ABI3BP: variants seen among roughly 807,000 people sequenced by gnomAD.
ABI3BP encodes target of Nesh-SH3.
Under a neutral mutation model 268.6 loss-of-function variants are expected in ABI3BP, and 216 were observed. The ratio of observed to expected loss-of-function variants is 0.80; its 90% confidence interval spans 0.72 to 0.90. The LOEUF is 0.90. Among genes scored for constraint, ABI3BP ranks in the 40% least tolerant of loss-of-function variants. The pLI is 0.00. For synonymous variants in ABI3BP, 730 were observed against 730.0 expected, an observed-to-expected ratio of 1.00 and a Z score of 0.00; for missense variants, 2,090 against 2,182.4, an observed-to-expected ratio of 0.96 and a Z score of 0.84.
rs180690304 is a variant in ABI3BP, at chr3:100,926,363, A to G, written c.198T>C (p.Asn66=). 121 of 1,613,518 alleles carry G rather than the reference A, an allele frequency of 7.5e-5. No individual in the cohort carries two copies. The African/African-American group carries it at 1.3e-3, about 18-fold the overall frequency. ...GAGGGAAGTACTGGTTTGGTGATAC[A>G]TTGCTGCCATATCCCAGGAGAAGAC... ...LEGLLLGYGS[N]VSPNQYFPLP... Residue 66 remains asparagine, a synonymous_variant, in exon 2 of 68, where the codon AAT becomes AAC. Coordinates refer to ENST00000471714, the MANE Select transcript of ABI3BP (RefSeq NM_001375547.2).
chr3:100,821,597 CTTTTTTTTTT>C (rs369631203), intron 38 of ABI3BP, among the ~76,000 whole-genome samples: 1 of 119,136 alleles, frequency 8.4e-6, no homozygotes, highest in East Asian at 2.5e-4. Flanking sequence ...TGAAGTAAGA[CTTTTTTTTTT>C]TTTTTTTTTT....
At chr3:100,970,278 C>T (rs1241674376) in intron 1 of ABI3BP, among the ~76,000 whole-genome samples, 1 of 152,212 alleles carries the variant, frequency 6.6e-6, no homozygotes, top group Non-Finnish European at 1.5e-5. Context: ...TAACAATGCT[C>T]AGTGGTAAAA....
rs760286989 is a variant in ABI3BP at position 100,792,755 on chromosome 3, T to C, written c.3960A>G (p.Gln1320=). Residue 1320 remains glutamine (Q), a synonymous_variant, in exon 55 of 68, where the codon CAA becomes CAG. Coordinates refer to ENST00000471714, the MANE Select transcript of ABI3BP (RefSeq NM_001375547.2). ...ELQTTLEETD[Q]STQEPFTTKI... is the part of the protein sequence containing the mutation. ...TAGTTGTGAAAGGTTCTTGGGTGGA[T>C]TGGTCTGTTTCTTCTAGAGAAAACA... is the stretch of plus-strand genomic sequence containing the variant. The C allele has an allele frequency of 1.2e-6, 2 of 1,611,362 alleles. No homozygotes were observed. Among genetic ancestry groups the C allele is most frequent in the Non-Finnish European group, 8.5e-7 (1 of 1,178,154 alleles).
In ABI3BP at chr3:100,749,399, G is replaced by A. The variant is rs530817674; in HGVS notation, c.*1096C>T. The A allele has an allele frequency of 9.2e-5, 34 of 369,524 alleles. No individual in the cohort carries two copies. Among genetic ancestry groups the A allele is most frequent in the East Asian group, 1.6e-4 (4 of 25,666 alleles). The allele number at this position is 369,524 out of a possible 1,614,324, so 22.9% of individuals were successfully genotyped here. A position where few individuals can be genotyped will look rare whatever the true frequency, so the allele number is the denominator to read the frequency against. ...TTGTTTGAAAAATACAAAATGTAGC[G>A]TTGATAAGATTGAAGCATGTTGAAA... is the stretch of plus-strand genomic sequence containing the variant. On this transcript the variant is annotated 3_prime_UTR_variant, in exon 68 of 68. Transcript: ENST00000471714.
Position 100,750,315 on chromosome 3 carries a change from T to C in ABI3BP, c.*180A>G. The C allele has an allele frequency of 2.0e-6, 1 of 490,230 alleles. No individual in the cohort carries two copies. Among genetic ancestry groups the C allele is most frequent in the Non-Finnish European group, 3.5e-6 (1 of 284,352 alleles). 30.4% of individuals were successfully genotyped at this position (490,230 alleles called of 1,614,324 possible). On this transcript the variant is annotated 3_prime_UTR_variant, in exon 68 of 68. Coordinates refer to ENST00000471714, the MANE Select transcript of ABI3BP (RefSeq NM_001375547.2). ...CAGTATCTTGCTTTCTTAAAATGAC[T>C]TTGTAAAACCTGATAAATACTCTCA...
At chr3:100,862,167 G>T in intron 14 of ABI3BP, 144 bp downstream of exon 14, 1 of 626,296 alleles carries the variant, frequency 1.6e-6, no homozygotes. Context: ...GGAAAATGAG[G>T]TTCATCTCAG....
At position 100,817,439 on chromosome 3, in the gene ABI3BP, A is replaced by T. The variant is rs1250311261; in HGVS notation, c.3145T>A (p.Leu1049Ile). The T allele has an allele frequency of 6.6e-7, 1 of 1,511,844 alleles. No individual in the cohort carries two copies. 93.7% of individuals were successfully genotyped at this position (1,511,844 alleles called of 1,614,324 possible). The change falls in exon 42 of 68, where the codon TTA (leucine) becomes ATA (isoleucine). Residue 1049 changes from leucine to isoleucine, a missense_variant. Coordinates refer to ENST00000471714, the MANE Select transcript of ABI3BP (RefSeq NM_001375547.2). ...TFRTKFPETTLAPKTQRTRRP... is the reference protein window; with the variant it reads ...TFRTKFPETTIAPKTQRTRRP... ...CAGGAACACAGAATATCATTACCTA[A>T]CGTTGTTTCTGGAAACTTGGTTCTA...
At chr3:100,833,517 A>T (rs2098526301) in intron 29 of ABI3BP, among the ~76,000 whole-genome samples, 2 of 152,194 alleles carry the variant, frequency 1.3e-5, no homozygotes, top group South Asian at 4.1e-4. Flanking sequence ...ACAAAGCCCT[A>T]GTTCATGATA....
chr3:100,865,124 A>G (rs527856013), intron 10 of ABI3BP, among the ~76,000 whole-genome samples: 2 of 152,312 alleles, frequency 1.3e-5, no homozygotes, highest in Admixed American at 1.3e-4. Context: ...TATCCAAAAG[A>G]GCACTCTGAC....
At chr3:100,894,985 A>G (rs973507052) in intron 4 of ABI3BP, among the ~76,000 whole-genome samples, 9 of 149,826 alleles carry the variant, frequency 6.0e-5, no homozygotes, top group Non-Finnish European at 1.2e-4. Context: ...AAAAAACACA[A>G]GATGAGAATG....
At chr3:100,955,003 G>A (rs1173415510) in intron 1 of ABI3BP, among the ~76,000 whole-genome samples, 358 of 5,440 alleles carry the variant, frequency 0.066, 8 homozygotes, top group African/African-American at 0.18. Context: ...TTTTTTTTAC[G>A]AATCATAAAG....
At chr3:100,754,480 T>C in intron 64 of ABI3BP, 132 bp downstream of exon 64, 1 of 871,382 alleles carries the variant, frequency 1.1e-6, no homozygotes, top group South Asian at 1.7e-5. Context: ...AGTTTGCTTT[T>C]TCCCACAAAT....
chr3:100,811,560 G>C (rs985458588), intron 47 of ABI3BP, among the ~76,000 whole-genome samples, 168 bp downstream of exon 47: 2 of 152,128 alleles, frequency 1.3e-5, no homozygotes, highest in African/African-American at 4.8e-5. Flanking sequence ...TTCAGAGAGA[G>C]TCAATTATCA....
intron 17 of ABI3BP, among the ~76,000 whole-genome samples, chr3:100,849,178 C>T: frequency 6.7e-6 from 1 of 149,564 alleles, no homozygotes; most frequent in East Asian, 2.0e-4. Context: ...AAAAGGATGA[C>T]ATTGAATAGC....
At position 100,923,178 on chromosome 3, in the gene ABI3BP, T is replaced by C. The variant is rs548277893; in HGVS notation, c.259+3124A>G. 5.3e-5 allele frequency among the ~76,000 whole-genome samples: 8 copies of C among 152,282 alleles called. No individual in the cohort carries two copies. The South Asian group carries it at 1.7e-3, about 32-fold the overall frequency. ...CCTTCTTGGAGTTGTGGAATCTTTA[T>C]CCCTAGGTTCTTTGAGATGCACAGT... On this transcript the variant is annotated intron_variant, in intron 2 of 67. Transcript: ENST00000471714.
At position 100,886,307 on chromosome 3, in the gene ABI3BP, A is replaced by T; in HGVS notation, c.478T>A (p.Tyr160Asn). Residue 160 changes from tyrosine (Y) to asparagine (N), a missense_variant, in exon 5 of 68, where the codon TAT becomes AAT. Transcript: ENST00000471714. ...TTCTTTTCTTTATCCTTTTCTCGATAGCGAATTGTATAAAATCTGTTGAAT... is the reference window on the plus strand; with the variant it reads ...TTCTTTTCTTTATCCTTTTCTCGATTGCGAATTGTATAAAATCTGTTGAAT... ...CPNDRFYTIR[Y>N]REKDKEKKWI... 1 of 1,597,790 alleles carries T rather than the reference A, an allele frequency of 6.3e-7. No individual in the cohort carries two copies. Among genetic ancestry groups the T allele is most frequent in the Non-Finnish European group, 8.5e-7 (1 of 1,171,654 alleles).
intron 1 of ABI3BP, among the ~76,000 whole-genome samples, chr3:100,935,365 G>A (rs2065608348): frequency 2.0e-5 from 3 of 152,130 alleles, no homozygotes. Context: ...GTACCATGAT[G>A]TTTTTGTTAC....
intron 14 of ABI3BP, among the ~76,000 whole-genome samples, chr3:100,857,990 C>T (rs536479827): frequency 6.7e-4 from 102 of 152,350 alleles, no homozygotes; most frequent in Non-Finnish European, 1.2e-3. Flanking sequence ...ACTTTTCTAG[C>T]GCTTGCTCCT....
chr3:100,782,647 G>A (rs576609623), intron 57 of ABI3BP, among the ~76,000 whole-genome samples: 34 of 152,164 alleles, frequency 2.2e-4, no homozygotes, highest in African/African-American at 6.3e-4. Context: ...CATTTCACCC[G>A]GGCCAGAACT....
Sources: gnomAD v4.1 joint callset for allele counts (sites outside exome capture counted in the v4.1 genomes callset) on GRCh38, gnomAD v4.1.1 for gene constraint, MANE v1.5 for transcripts, NCBI Gene and HGNC (gene_info 2026-07-23, HGNC 2026-07-21) for gene names.